OCLN: variants seen among roughly 807,000 people sequenced by gnomAD.
The protein encoded by OCLN is occludin.
In OCLN, 21 loss-of-function variants were observed where a neutral mutation model predicts 47.9. That is an observed-to-expected ratio of 0.44 (90% CI 0.31 to 0.63). The LOEUF is 0.63. OCLN is among the 30% of genes least tolerant of loss of function. OCLN has a pLI of 0.08. For missense variants in OCLN, 360 were observed against 571.0 expected, an observed-to-expected ratio of 0.63 and a Z score of 3.77; for synonymous variants, 117 against 198.4, an observed-to-expected ratio of 0.59 and a Z score of 3.45.
chr5:69,511,789 C>T (rs1023640496), intron 3 of OCLN, among the ~76,000 whole-genome samples: 2 of 152,022 alleles, frequency 1.3e-5, no homozygotes, highest in African/African-American at 4.8e-5. Flanking sequence ...CTTTGGAAGG[C>T]CAAGGTGGGC....
chr5:69,521,270 C>A (rs1050250629), intron 4 of OCLN, among the ~76,000 whole-genome samples: 7 of 152,142 alleles, frequency 4.6e-5, no homozygotes, highest in African/African-American at 1.7e-4. Context: ...GCACATAGAC[C>A]TAATTGCTCT....
intron 1 of OCLN, among the ~76,000 whole-genome samples, chr5:69,502,806 C>T (rs1397249555): frequency 6.6e-6 from 1 of 152,156 alleles, no homozygotes; most frequent in Non-Finnish European, 1.5e-5. Flanking sequence ...GCTCTCAGTG[C>T]CCATGGATCC....
intron 4 of OCLN, among the ~76,000 whole-genome samples, chr5:69,519,085 G>T (rs1203597686): frequency 6.6e-6 from 1 of 152,082 alleles, no homozygotes. Context: ...CTGCAGTGAG[G>T]CATGATCTCG....
Position 69,509,224 on chromosome 5 carries a change from CTT to C in OCLN, c.138_139del (p.Phe46LeufsTer5), listed in dbSNP as rs1309465358. 6.2e-7 allele frequency: 1 copy of C among 1,614,182 alleles called. No individual in the cohort carries two copies. Among genetic ancestry groups the C allele is most frequent in the Admixed American group, 1.7e-5 (1 of 60,020 alleles). On this transcript the variant is annotated frameshift_variant, in exon 3 of 9. Coordinates refer to ENST00000396442, the MANE Select transcript of OCLN (RefSeq NM_001205254.2). LOFTEE classifies it high-confidence loss of function. ...CCAATGCTCTCTCAGCCAGCCTACT[CTT>C]TTTACCCAGAAGATGAAATTCTTCA...
chr5:69,519,112 TG>T (rs1267826764), intron 4 of OCLN, among the ~76,000 whole-genome samples: 1 of 152,156 alleles, frequency 6.6e-6, no homozygotes, highest in Non-Finnish European at 1.5e-5. Flanking sequence ...CACTCCAGCC[TG>T]GGTGACAGAG....
At chr5:69,506,143 A>C (rs1768593194) in intron 2 of OCLN, among the ~76,000 whole-genome samples, 1 of 152,192 alleles carries the variant, frequency 6.6e-6, no homozygotes, top group Non-Finnish European at 1.5e-5. Context: ...TTACTGGTTT[A>C]TTATAAAGGG....
At chr5:69,518,071 A>C (rs1362953755) in intron 4 of OCLN, among the ~76,000 whole-genome samples, 1 of 152,178 alleles carries the variant, frequency 6.6e-6, no homozygotes, top group Non-Finnish European at 1.5e-5. Context: ...ATCTGATTTT[A>C]CTGTCATGAA....
At chr5:69,495,985 A>G (rs1460038225) in intron 1 of OCLN, among the ~76,000 whole-genome samples, 1 of 149,558 alleles carries the variant, frequency 6.7e-6, no homozygotes, top group African/African-American at 2.6e-5. Flanking sequence ...AAGATTTATT[A>G]AAAATACAAT....
chr5:69,506,116 G>A (rs183228911), intron 2 of OCLN, among the ~76,000 whole-genome samples: 42 of 152,210 alleles, frequency 2.8e-4, no homozygotes, highest in African/African-American at 1.0e-3. Flanking sequence ...CAGAACTCAG[G>A]GAAACAGTAC....
intron 2 of OCLN, among the ~76,000 whole-genome samples, chr5:69,506,008 C>G (rs529154998): frequency 5.6e-4 from 85 of 152,326 alleles, no homozygotes; most frequent in African/African-American, 1.9e-3. Flanking sequence ...GTAGCAGCCA[C>G]AAGCTCAGGT....
chr5:69,514,969 C>T (rs1401770887), intron 4 of OCLN, among the ~76,000 whole-genome samples: 1 of 152,254 alleles, frequency 6.6e-6, no homozygotes. Flanking sequence ...AATCCTTTCC[C>T]CGCCTTTCCC....
At chr5:69,533,187 A>C (rs1260331228) in intron 4 of OCLN, among the ~76,000 whole-genome samples, 1 of 150,700 alleles carries the variant, frequency 6.6e-6, no homozygotes, top group Non-Finnish European at 1.5e-5. Flanking sequence ...TTTATGTTTA[A>C]ATTTTTTATC....
chr5:69,502,752 G>C (rs541979457), intron 1 of OCLN, among the ~76,000 whole-genome samples: 2 of 152,188 alleles, frequency 1.3e-5, no homozygotes, highest in Non-Finnish European at 2.9e-5. Context: ...TTAGGGGGTT[G>C]TGTGTTTACC....
chr5:69,500,423 G>A (rs1429993112), intron 1 of OCLN, among the ~76,000 whole-genome samples: 10 of 142,578 alleles, frequency 7.0e-5, no homozygotes, highest in Non-Finnish European at 1.5e-4. Context: ...TTTTTGAGAC[G>A]GAGTTTTGCT....
rs1034212182 is a variant in OCLN, at chr5:69,493,313, G to A, written c.-69+413G>A. On this transcript the variant is annotated intron_variant, in intron 1 of 8. Coordinates refer to ENST00000396442, the MANE Select transcript of OCLN (RefSeq NM_001205254.2). This position sits in a 1 kb window ranked among gnomAD's most constrained non-coding sequence, Gnocchi z 5.3. ...GGATCCTGCGCCCAGCTCCTTGGGGGTCCTAAGCCTGAGGCTGCAGCGAGG... is the reference window on the plus strand; with the variant it reads ...GGATCCTGCGCCCAGCTCCTTGGGGATCCTAAGCCTGAGGCTGCAGCGAGG... 2.0e-5 allele frequency among the ~76,000 whole-genome samples: 3 copies of A among 152,192 alleles called. No homozygotes were observed. The highest frequency in any genetic ancestry group is 2.1e-4 in the South Asian group (1 of 4,830).
rs1438538785 is a variant in OCLN at position 69,515,903 on chromosome 5, G to T, written c.891+1794G>T. Among the ~76,000 whole-genome samples, 19 of 151,598 alleles carry T rather than the reference G, an allele frequency of 1.3e-4. No individual in the cohort carries two copies. In the East Asian group the frequency reaches 3.8e-3, roughly 30 times the overall value. On this transcript the variant is annotated intron_variant, in intron 4 of 8. Coordinates refer to ENST00000396442, the MANE Select transcript of OCLN (RefSeq NM_001205254.2). ...CTCCCCACATCTTAGACGATGGGCGGCCGGGCAGAGACGCTCCTCACTTCC... is the reference window on the plus strand; with the variant it reads ...CTCCCCACATCTTAGACGATGGGCGTCCGGGCAGAGACGCTCCTCACTTCC...
intron 4 of OCLN, among the ~76,000 whole-genome samples, chr5:69,528,938 T>G (rs1406644683): frequency 2.0e-5 from 3 of 152,108 alleles, no homozygotes; most frequent in African/African-American, 7.2e-5. Flanking sequence ...AGGAGAAAAA[T>G]GAGGATTAGC....
intron 4 of OCLN, among the ~76,000 whole-genome samples, chr5:69,527,940 G>C (rs192860934): frequency 6.6e-6 from 1 of 152,200 alleles, no homozygotes; most frequent in East Asian, 1.9e-4. Flanking sequence ...TATTATTACT[G>C]TTTCTTTGGA....
intron 6 of OCLN, among the ~76,000 whole-genome samples, chr5:69,546,980 T>G (rs1769728110): frequency 6.8e-6 from 1 of 146,950 alleles, no homozygotes; most frequent in Non-Finnish European, 1.5e-5. Flanking sequence ...ATGTAAGGAG[T>G]GGCTGGTATA....
Sources: allele counts gnomAD v4.1 joint callset (sites outside exome capture counted in the v4.1 genomes callset), GRCh38; gene constraint gnomAD v4.1.1; non-coding constraint Gnocchi (gnomAD v3.1); transcripts MANE v1.5; gene names NCBI Gene and HGNC (gene_info 2026-07-23, HGNC 2026-07-21).